Variants in PTPN4 observed in about 807,000 individuals in gnomAD.
PTPN4 encodes tyrosine-protein phosphatase non-receptor type 4.
A neutral mutation model predicts 135.5 loss-of-function variants in PTPN4; 49 were observed. The ratio of observed to expected loss-of-function variants is 0.36; its 90% CI spans 0.29 to 0.46. The LOEUF (loss-of-function observed/expected upper bound fraction) is 0.46, where lower values mean the gene tolerates loss of function less well. Ranked by LOEUF, PTPN4 falls within the 20% of genes least tolerant of loss-of-function variation. The probability of loss-of-function intolerance (pLI) is 1.00; values close to 1 mark genes in which losing one functional copy is unlikely to be tolerated. For missense variants in PTPN4, 860 were observed against 1,101.0 expected, an observed-to-expected ratio of 0.78 and a Z score of 3.10; for synonymous variants, 333 against 369.9, an observed-to-expected ratio of 0.90 and a Z score of 1.14.
At chr2:119,961,014 G>C in intron 23 of PTPN4, 61 bp downstream of exon 23, 2 of 1,471,742 alleles carry the variant, frequency 1.4e-6, no homozygotes. Context: ...CTGCACATAT[G>C]TAGTCAAAAT....
intron 2 of PTPN4, among the ~76,000 whole-genome samples, chr2:119,835,869 A>T (rs1265282468): frequency 6.6e-6 from 1 of 152,074 alleles, no homozygotes; most frequent in African/African-American, 2.4e-5. Flanking sequence ...AGAGATCGAA[A>T]CCATCCTGGC....
At position 119,983,389 on chromosome 2, in the gene PTPN4, T is replaced by C. The variant is rs1679723150; in HGVS notation, c.*6319T>C. ...CAGTTGAGCTCATTTTAACATATAT[T>C]CAAAGAAGCTTTTTAGTTTCTACTC... is the stretch of plus-strand genomic sequence containing the variant. On this transcript the variant is annotated 3_prime_UTR_variant, in exon 27 of 27. Coordinates refer to ENST00000263708, the MANE Select transcript of PTPN4 (RefSeq NM_002830.4). 1 of 152,168 alleles carries C rather than the reference T, an allele frequency of 6.6e-6. No homozygotes were observed. Among genetic ancestry groups the C allele is most frequent in the Non-Finnish European group, 1.5e-5 (1 of 68,030 alleles). 9.4% of individuals were successfully genotyped at this position (152,168 alleles called of 1,614,324 possible).
At chr2:119,806,448 T>C (rs533524228) in intron 1 of PTPN4, among the ~76,000 whole-genome samples, 29 of 150,542 alleles carry the variant, frequency 1.9e-4, no homozygotes, top group Non-Finnish European at 3.6e-4. Flanking sequence ...TAAAACAGAG[T>C]TTAAACCAAT....
At chr2:119,809,791 AT>A in intron 1 of PTPN4, 45 bp from the exon 2 acceptor site, 10 of 1,488,444 alleles carry the variant, frequency 6.7e-6, no homozygotes, top group African/African-American at 1.4e-5. Flanking sequence ...TACAGCTTAT[AT>A]TTTACGAACC....
At chr2:119,814,206 A>G (rs1444804049) in intron 2 of PTPN4, among the ~76,000 whole-genome samples, 1 of 152,198 alleles carries the variant, frequency 6.6e-6, no homozygotes, top group Non-Finnish European at 1.5e-5. Flanking sequence ...GCTGAGTGAG[A>G]GGAAGGGATT....
chr2:119,950,763 A>G (rs72840418), intron 18 of PTPN4, among the ~76,000 whole-genome samples: 3,175 of 152,088 alleles, frequency 0.021, 59 homozygotes, highest in Non-Finnish European at 0.033. Flanking sequence ...CCATATTTCT[A>G]TTTCTTTTGT....
At chr2:119,867,217 A>G (rs1677845679) in intron 3 of PTPN4, among the ~76,000 whole-genome samples, 1 of 152,224 alleles carries the variant, frequency 6.6e-6, no homozygotes, top group Non-Finnish European at 1.5e-5. Flanking sequence ...TATTTATATG[A>G]CTAAACACAA....
chr2:119,956,844 C>G lies in PTPN4; in HGVS notation c.1981C>G (p.Gln661Glu). 6.5e-7 allele frequency: 1 copy of G among 1,537,520 alleles called. No homozygotes were observed. The highest frequency in any genetic ancestry group is 8.7e-7 in the Non-Finnish European group (1 of 1,153,562). The stretch of plus-strand genomic sequence containing the variant: ...TTGTACCTTTTTTTTTTTTTTTTAG[C>G]AACTGTATCGGAAAAAACCTGGAAT... ...ITGTVLTQFD[Q>E]LYRKKPGMTM... The change falls in exon 21 of 27, where the codon CAA (glutamine) becomes GAA (glutamate). Residue 661 changes from glutamine to glutamate, a missense_variant and splice_region_variant. Gln to Glu is a conservative substitution (Grantham distance 29). This residue lies in a region of PTPN4 where 684 missense variants were observed against 807.0 expected (regional missense o/e 0.85). Coordinates refer to ENST00000263708, the MANE Select transcript of PTPN4 (RefSeq NM_002830.4).
intron 26 of PTPN4, among the ~76,000 whole-genome samples, chr2:119,972,970 A>G (rs1045913317): frequency 6.6e-6 from 1 of 152,088 alleles, no homozygotes; most frequent in Non-Finnish European, 1.5e-5. Flanking sequence ...TTGAGGTCTT[A>G]TATCTATATT....
At chr2:119,851,035 CA>C (rs1218828560) in intron 2 of PTPN4, among the ~76,000 whole-genome samples, 2 of 152,144 alleles carry the variant, frequency 1.3e-5, no homozygotes, top group African/African-American at 4.8e-5. Context: ...AGTATCAGGC[CA>C]ATGCTGGTTT....
chr2:119,974,136 G>T (rs1233085814), intron 26 of PTPN4, among the ~76,000 whole-genome samples: 1 of 151,978 alleles, frequency 6.6e-6, no homozygotes, highest in Non-Finnish European at 1.5e-5. Context: ...AATTTATTTG[G>T]GTATTATTTT....
intron 8 of PTPN4, 30 bp from the exon 9 acceptor site, chr2:119,885,765 C>A: frequency 7.0e-7 from 1 of 1,424,280 alleles, no homozygotes. Context: ...ATTGATTGAT[C>A]TCATTTTTAA....
At chr2:119,901,296 T>C (rs2105015196) in intron 10 of PTPN4, among the ~76,000 whole-genome samples, 1 of 152,254 alleles carries the variant, frequency 6.6e-6, no homozygotes, top group East Asian at 1.9e-4. Flanking sequence ...TTCCTCCCTG[T>C]CCCACACCTT....
intron 2 of PTPN4, among the ~76,000 whole-genome samples, chr2:119,856,422 C>A (rs954368586): frequency 2.0e-5 from 3 of 152,202 alleles, no homozygotes; most frequent in Non-Finnish European, 4.4e-5. Context: ...TGTTGTTTGG[C>A]ACTGGGGGAA....
rs544375306 is a variant in PTPN4, at chr2:119,964,583, GT to G, written c.2410-906del. Among the ~76,000 whole-genome samples, 3 of 151,910 alleles carry G rather than the reference GT, an allele frequency of 2.0e-5. No homozygotes were observed. In the East Asian group the frequency reaches 5.8e-4, roughly 29 times the overall value. On this transcript the variant is annotated intron_variant, in intron 24 of 26. Transcript: ENST00000263708. ...TTTTTGCTCACCCAAGAATTCATTAGTTTTTTTTAAGCATTTCTCTGGGTCT... is the reference window on the plus strand; with the variant it reads ...TTTTTGCTCACCCAAGAATTCATTAGTTTTTTTAAGCATTTCTCTGGGTCT...
Position 119,967,865 on chromosome 2 carries a change from A to G in PTPN4, c.2587A>G (p.Ile863Val), listed in dbSNP as rs1679468389. The change falls in exon 26 of 27, where the codon ATT (isoleucine) becomes GTT (valine). Residue 863 changes from isoleucine to valine, a missense_variant. Physicochemically the swap from Ile to Val is conservative, Grantham distance 29 (BLOSUM62 3). Around this residue, in one of 2 missense-constraint regions of PTPN4, gnomAD observed 176 missense variants for 294.1 expected, o/e 0.60. Transcript: ENST00000263708. ...SAGIGRTGVL[I>V]TMETAMCLIE... ...TGGAATCGGAAGAACTGGGGTTCTT[A>G]TTACTATGGAAACAGCCATGTGTCT... 1 of 1,610,296 alleles carries G rather than the reference A, an allele frequency of 6.2e-7. No individual in the cohort carries two copies. The highest frequency in any genetic ancestry group is 1.1e-5 in the South Asian group (1 of 90,482).
chr2:119,805,913 G>A (rs568595754), intron 1 of PTPN4, among the ~76,000 whole-genome samples: 31 of 152,262 alleles, frequency 2.0e-4, no homozygotes, highest in African/African-American at 7.2e-4. Context: ...CTATCCATGA[G>A]CATGGAATGT....
intron 2 of PTPN4, among the ~76,000 whole-genome samples, chr2:119,836,419 C>T (rs1393510997): frequency 6.6e-6 from 1 of 152,216 alleles, no homozygotes; most frequent in African/African-American, 2.4e-5. Flanking sequence ...CCCAAGACTA[C>T]TAACTAGCCA....
In PTPN4 at chr2:119,984,789, G is replaced by A. The variant is rs1195269522; in HGVS notation, c.*7719G>A. Among the ~76,000 whole-genome samples, 1 of 152,098 alleles carries A rather than the reference G, an allele frequency of 6.6e-6. No homozygotes were observed. Among genetic ancestry groups the A allele is most frequent in the African/African-American group, 2.4e-5 (1 of 41,414 alleles). ...GAAATGCTGTTACACATATTTTGTT[G>A]GCCATATTTCATTTTGAGAAACAGT... On this transcript the variant is annotated 3_prime_UTR_variant, in exon 27 of 27. Coordinates refer to ENST00000263708, the MANE Select transcript of PTPN4 (RefSeq NM_002830.4).
Sources: gnomAD v4.1 joint callset for allele counts (sites outside exome capture counted in the v4.1 genomes callset) on GRCh38, gnomAD v4.1.1 for gene constraint, gnomAD v4.1.1 regional missense constraint, MANE v1.5 for transcripts, NCBI Gene and HGNC (gene_info 2026-07-23, HGNC 2026-07-21) for gene names.